Variants in CTPS1 observed in about 807,000 individuals in gnomAD.
CTPS1 encodes CTP synthase 1, also known as CTP synthetase 1.
A neutral mutation model predicts 80.5 loss-of-function variants in CTPS1; 25 were observed. That is an observed-to-expected ratio of 0.31 (90% CI 0.23 to 0.43). The LOEUF (loss-of-function observed/expected upper bound fraction) is 0.43. Ranked by LOEUF, CTPS1 falls within the 20% of genes least tolerant of loss-of-function variation. The probability of loss-of-function intolerance (pLI) is 1.00; values close to 1 mark genes in which losing one functional copy is unlikely to be tolerated. For synonymous variants in CTPS1, 267 were observed against 252.5 expected (o/e 1.06, Z -0.54); for missense variants, 442 against 725.7 (o/e 0.61, Z 4.49).
intron 4 of CTPS1, 110 bp from the exon 5 acceptor site, chr1:40,988,484 G>A (rs1010917508): frequency 6.9e-6 from 5 of 728,266 alleles, no homozygotes; most frequent in Middle Eastern, 2.5e-4. Flanking sequence ...TAGAGAGTCC[G>A]TGTTACATAA....
chr1:40,990,545 G>C (rs961463163), intron 5 of CTPS1, among the ~76,000 whole-genome samples: 1 of 152,138 alleles, frequency 6.6e-6, no homozygotes, highest in Admixed American at 6.5e-5. Context: ...AGCAGTTTGG[G>C]AGGCAGAGGT....
chr1:40,998,948 A>G (rs1177773276), intron 9 of CTPS1, among the ~76,000 whole-genome samples: 1 of 152,160 alleles, frequency 6.6e-6, no homozygotes, highest in Non-Finnish European at 1.5e-5. Context: ...TCTTTCCATC[A>G]TTCATTTATT....
At chr1:40,986,042 T>C (rs1383215385) in intron 3 of CTPS1, among the ~76,000 whole-genome samples, 1 of 152,244 alleles carries the variant, frequency 6.6e-6, no homozygotes, top group African/African-American at 2.4e-5. Context: ...GAATGCTCAC[T>C]GCAGTCAGAC....
chr1:40,985,109 A>C (rs928627790), intron 3 of CTPS1, 118 bp downstream of exon 3: 2 of 616,678 alleles, frequency 3.2e-6, no homozygotes, highest in Admixed American at 8.6e-5. Context: ...ATTGTATGTG[A>C]TTTCAGCATG....
chr1:41,001,524 CA>C (rs1183587228), intron 10 of CTPS1: 1 of 187,570 alleles, frequency 5.3e-6, no homozygotes, highest in African/African-American at 2.4e-5. Context: ...GTGTCTTGGT[CA>C]GTACGGCACA....
intron 5 of CTPS1, among the ~76,000 whole-genome samples, chr1:40,989,564 C>G (rs939998863): frequency 5.3e-5 from 8 of 152,154 alleles, no homozygotes; most frequent in African/African-American, 1.9e-4. Context: ...CCTACACACT[C>G]ACACATAACT....
intron 1 of CTPS1, chr1:40,980,866 C>G (rs1651855436): frequency 6.5e-6 from 1 of 153,260 alleles, no homozygotes; most frequent in Non-Finnish European, 1.5e-5. Context: ...CCCTCACGGC[C>G]TTACCTCTGT....
chr1:41,011,808 C>G lies in CTPS1; in HGVS notation c.*160C>G, dbSNP rs1277284754. 1 of 152,138 alleles carries G rather than the reference C, an allele frequency of 6.6e-6. No homozygotes were observed. The highest frequency in any genetic ancestry group is 2.4e-5 in the African/African-American group (1 of 41,428). The allele number at this position is 152,138 out of a possible 1,614,324, so 9.4% of individuals were successfully genotyped here. ...TGGGAAACTTGTCACTTGCATGTCCCATCACGTGTACTGGCTCCTCTGTGG... is the reference window on the plus strand; with the variant it reads ...TGGGAAACTTGTCACTTGCATGTCCGATCACGTGTACTGGCTCCTCTGTGG... On this transcript the variant is annotated 3_prime_UTR_variant, in exon 19 of 19. Coordinates refer to ENST00000650070, the MANE Select transcript of CTPS1 (RefSeq NM_001905.4).
chr1:40,997,301 A>G, intron 8 of CTPS1, 93 bp from the exon 9 acceptor site: 2 of 1,446,290 alleles, frequency 1.4e-6, no homozygotes, highest in Non-Finnish European at 1.9e-6. Flanking sequence ...TCCTGGCCAG[A>G]CGTGGTTTTT....
intron 3 of CTPS1, among the ~76,000 whole-genome samples, chr1:40,986,507 A>G (rs6675165): frequency 0.087 from 13,185 of 152,280 alleles, 652 homozygotes; most frequent in Non-Finnish European, 0.11. Flanking sequence ...TGTGGGAGTG[A>G]TGAATTCTGA....
In CTPS1 at chr1:41,007,766, C is replaced by T. The variant is rs763739022; in HGVS notation, c.1393+221C>T. ...AAAGGACACTGGCAGTGCAGTCAGA[C>T]TCCTAGGCATGGGCGCCTCAACAGA... On this transcript the variant is annotated intron_variant, in intron 14 of 18. Coordinates refer to ENST00000650070, the MANE Select transcript of CTPS1 (RefSeq NM_001905.4). This position sits in a 1 kb window ranked among gnomAD's most constrained non-coding sequence, Gnocchi z 4.4. Among the ~76,000 whole-genome samples the T allele has an allele frequency of 1.3e-5, 2 of 152,222 alleles. No homozygotes were observed. Among genetic ancestry groups the T allele is most frequent in the African/African-American group, 2.4e-5 (1 of 41,454 alleles).
Position 40,997,527 on chromosome 1 carries a change from G to A in CTPS1, c.1005+1G>A. 1 of 1,613,750 alleles carries A rather than the reference G, an allele frequency of 6.2e-7. No homozygotes were observed. The highest frequency in any genetic ancestry group is 8.5e-7 in the Non-Finnish European group (1 of 1,179,796). On this transcript the variant is annotated splice_donor_variant, in intron 9 of 18. Coordinates refer to ENST00000650070, the MANE Select transcript of CTPS1 (RefSeq NM_001905.4). LOFTEE classifies it high-confidence loss of function. ...CATCAACCACAAATTGGAAATCAAG[G>A]TAAGGAGGGTGGCACAGGTACAGCC...
chr1:40,996,275 C>T (rs1015868222), intron 8 of CTPS1, among the ~76,000 whole-genome samples: 2 of 152,204 alleles, frequency 1.3e-5, no homozygotes, highest in Admixed American at 1.3e-4. Context: ...AGGGCCAGGC[C>T]AGGTGCCGGG....
At position 41,006,091 on chromosome 1, in the gene CTPS1, C is replaced by T. The variant is rs747981364; in HGVS notation, c.1293C>T (p.Pro431=). ...STEFDPTTSH[P]VVVDMPEHNP... ...AGTTTGACCCTACGACCAGTCATCC[C>T]GTGGTGAGTCAAGTGTTTGAACCTC... Residue 431 remains proline, a synonymous_variant, in exon 13 of 19, where the codon CCC becomes CCT. Transcript: ENST00000650070. The T allele has an allele frequency of 1.6e-5, 25 of 1,612,772 alleles. No individual in the cohort carries two copies. The highest frequency in any genetic ancestry group is 4.0e-5 in the African/African-American group (3 of 74,850).
chr1:41,009,413 A>G lies in CTPS1; in HGVS notation c.1547-32A>G, dbSNP rs12144160. 0.55 allele frequency: 834,725 copies of G among 1,527,940 alleles called. 232,519 individuals are homozygous for G. The highest frequency in any genetic ancestry group is 0.63 in the Admixed American group (28,441 of 45,112). 94.6% of individuals were successfully genotyped at this position (1,527,940 alleles called of 1,614,324 possible). A position where few individuals can be genotyped will look rare whatever the true frequency, so the allele number is the denominator to read the frequency against. ...TTACACTTTGTGCATAACCTTCACAATGAAGCTGTTTCTTTTGAATCTCTA... is the reference window on the plus strand; with the variant it reads ...TTACACTTTGTGCATAACCTTCACAGTGAAGCTGTTTCTTTTGAATCTCTA... On this transcript the variant is annotated intron_variant, in intron 16 of 18. Transcript: ENST00000650070.
chr1:40,995,950 C>T lies in CTPS1; in HGVS notation c.754C>T (p.Arg252Ter). ...TGTCCACGATGTCTCATCCATCTAC[C>T]GAGTCCCCTTGTTGTTAGAGGAGCA... ...ICVHDVSSIY[R>*]VPLLLEEQGV... The change falls in exon 8 of 19, where the codon CGA becomes TGA. Residue 252 changes from arginine (R) to a stop codon, truncating the protein, a stop_gained. Coordinates refer to ENST00000650070, the MANE Select transcript of CTPS1 (RefSeq NM_001905.4). LOFTEE classifies it high-confidence loss of function. 1 of 1,614,168 alleles carries T rather than the reference C, an allele frequency of 6.2e-7. No individual in the cohort carries two copies. The highest frequency in any genetic ancestry group is 8.5e-7 in the Non-Finnish European group (1 of 1,180,020).
intron 2 of CTPS1, 64 bp downstream of exon 2, chr1:40,983,520 A>G: frequency 1.5e-6 from 2 of 1,372,258 alleles, no homozygotes; most frequent in South Asian, 1.4e-5. Flanking sequence ...CTTGGGAATT[A>G]TGTGCACGGT....
intron 8 of CTPS1, chr1:40,997,185 T>C (rs1642775334): frequency 1.9e-6 from 1 of 533,972 alleles, no homozygotes; most frequent in South Asian, 2.3e-5. Context: ...CAGGCTGTAG[T>C]GCAGTGGTGC....
chr1:40,991,754 T>C lies in CTPS1; in HGVS notation c.640-11T>C, dbSNP rs1249506086. The C allele has an allele frequency of 3.7e-6, 6 of 1,605,860 alleles. No individual in the cohort carries two copies. Among genetic ancestry groups the C allele is most frequent in the East Asian group, 2.2e-5 (1 of 44,842 alleles). On this transcript the variant is annotated splice_polypyrimidine_tract_variant and intron_variant, in intron 6 of 18. Transcript: ENST00000650070. ...TCCTTCTGTCTAAGCCATCTTGTTC[T>C]CTACTGCTAGGTTGTATGCAGGTGC...
Sources: allele counts gnomAD v4.1 joint callset (sites outside exome capture counted in the v4.1 genomes callset), GRCh38; gene constraint gnomAD v4.1.1; non-coding constraint Gnocchi (gnomAD v3.1); transcripts MANE v1.5; gene names NCBI Gene and HGNC (gene_info 2026-07-23, HGNC 2026-07-21).